The following ABHD17A variants were observed in gnomAD, a reference collection of about 807,000 sequenced individuals.
ABHD17A encodes the protein alpha/beta hydrolase domain-containing protein 17A.
A neutral mutation model predicts 26.8 loss-of-function variants in ABHD17A; 10 were observed. That is an observed-to-expected ratio of 0.37 (90% CI 0.23 to 0.63). ABHD17A has a LOEUF of 0.63. Ranked by LOEUF, ABHD17A falls within the 30% of genes least tolerant of loss-of-function variation. The pLI, the probability that ABHD17A is intolerant of heterozygous loss-of-function variation, is 0.61. For synonymous variants in ABHD17A, 167 were observed against 210.9 expected, an observed-to-expected ratio of 0.79 and a Z score of 1.80; for missense variants, 292 against 457.3, an observed-to-expected ratio of 0.64 and a Z score of 3.30.
At chr19:1,884,451 C>T (rs577367105) in intron 1 of ABHD17A, among the ~76,000 whole-genome samples, 91 of 152,272 alleles carry the variant, frequency 6.0e-4, no homozygotes, top group Non-Finnish European at 1.2e-3. Flanking sequence ...CCACCAATTC[C>T]GTTCCCACGC....
Position 1,881,302 on chromosome 19 carries a change from A to G in ABHD17A, c.265T>C (p.Phe89Leu). The change falls in exon 2 of 5, where the codon TTC becomes CTC. Residue 89 changes from phenylalanine to leucine, a missense_variant. Coordinates refer to ENST00000292577, the MANE Select transcript of ABHD17A (RefSeq NM_001130111.2). ...SQRELDTIEV[F>L]PTKSARGNRV... ...TTGCCGCGGGCGCTCTTGGTGGGGA[A>G]GACCTCGATGGTGTCCAGCTCGCGC... is the stretch of plus-strand genomic sequence containing the variant. The G allele has an allele frequency of 6.2e-7, 1 of 1,610,950 alleles. No individual in the cohort carries two copies. Among genetic ancestry groups the G allele is most frequent in the Non-Finnish European group, 8.5e-7 (1 of 1,179,688 alleles).
Position 1,877,074 on chromosome 19 carries a change from C to G in ABHD17A, c.*126G>C. 5.9e-6 allele frequency: 4 copies of G among 678,070 alleles called. No homozygotes were observed. Among genetic ancestry groups the G allele is most frequent in the Non-Finnish European group, 9.9e-6 (4 of 404,950 alleles). 42.0% of individuals were successfully genotyped at this position (678,070 alleles called of 1,614,324 possible). ...CTGTTGCCTGTACATCGTCCACAGC[C>G]CCTGGGTCGGGGCGGGGTCCCCTGG... On this transcript the variant is annotated 3_prime_UTR_variant, in exon 5 of 5. Transcript: ENST00000292577.
In ABHD17A at chr19:1,879,604, A is replaced by G. The variant is rs2012464651; in HGVS notation, c.527+317T>C. ...CACGTGCACAGACCCCCAGACCACC[A>G]CCCACTCCCTCCCGCCGGGTGGCAT... On this transcript the variant is annotated intron_variant, in intron 3 of 4. Coordinates refer to ENST00000292577, the MANE Select transcript of ABHD17A (RefSeq NM_001130111.2). This position sits in a 1 kb window ranked among gnomAD's most constrained non-coding sequence, Gnocchi z 7.6. The G allele has an allele frequency of 2.3e-6, 1 of 438,190 alleles. No homozygotes were observed. The highest frequency in any genetic ancestry group is 2.0e-5 in the African/African-American group (1 of 49,478). The allele number at this position is 438,190 out of a possible 1,614,324, so 27.1% of individuals were successfully genotyped here. A position where few individuals can be genotyped will look rare whatever the true frequency, so the allele number is the denominator to read the frequency against.
chr19:1,881,304 A>C lies in ABHD17A; in HGVS notation c.263T>G (p.Val88Gly). The change falls in exon 2 of 5, where the codon GTC becomes GGC. Residue 88 changes from valine to glycine, a missense_variant. By Grantham distance (109) the Val-to-Gly change is moderately radical (BLOSUM62 -3). Around this residue, in one of 4 missense-constraint regions of ABHD17A, gnomAD observed 171 missense variants for 216.1 expected, o/e 0.79. Coordinates refer to ENST00000292577, the MANE Select transcript of ABHD17A (RefSeq NM_001130111.2). ...YSQRELDTIEVFPTKSARGNR... is the reference protein window; with the variant it reads ...YSQRELDTIEGFPTKSARGNR... ...GCCGCGGGCGCTCTTGGTGGGGAAG[A>C]CCTCGATGGTGTCCAGCTCGCGCTG... The C allele has an allele frequency of 1.2e-6, 2 of 1,610,868 alleles. No individual in the cohort carries two copies. The highest frequency in any genetic ancestry group is 1.7e-6 in the Non-Finnish European group (2 of 1,179,680).
chr19:1,881,856 T>G, intron 1 of ABHD17A, 52 bp from the exon 2 acceptor site: 2 of 346,844 alleles, frequency 5.8e-6, no homozygotes, highest in Non-Finnish European at 1.0e-5. Context: ...ACAGTCCAGC[T>G]GGGCACCCCC....
In ABHD17A at chr19:1,876,892, G is replaced by A; in HGVS notation, c.*308C>T. ...CGATCTCTCCTAGGGACTCAGGGAC[G>A]AAACCTGGGAACCCCGGCCCCCTTT... On this transcript the variant is annotated 3_prime_UTR_variant, in exon 5 of 5. Coordinates refer to ENST00000292577, the MANE Select transcript of ABHD17A (RefSeq NM_001130111.2). 1 of 423,524 alleles carries A rather than the reference G, an allele frequency of 2.4e-6. No homozygotes were observed. Among genetic ancestry groups the A allele is most frequent in the Non-Finnish European group, 4.3e-6 (1 of 231,856 alleles). The allele number at this position is 423,524 out of a possible 1,614,324, so 26.2% of individuals were successfully genotyped here. A position where few individuals can be genotyped will look rare whatever the true frequency, so the allele number is the denominator to read the frequency against.
Position 1,879,536 on chromosome 19 carries a change from C to T in ABHD17A, c.527+385G>A, listed in dbSNP as rs1375025931. The stretch of plus-strand genomic sequence containing the variant: ...GGACCTGGATGCAGCAGCCTCGCCT[C>T]ACTTGGCCCCAAGTGCTGCCTCGGC... On this transcript the variant is annotated intron_variant, in intron 3 of 4. Transcript: ENST00000292577. The surrounding 1 kb of genome is among the most constrained non-coding windows in gnomAD (Gnocchi z 7.6). The T allele has an allele frequency of 9.7e-6, 3 of 307,904 alleles. No individual in the cohort carries two copies. The highest frequency in any genetic ancestry group is 9.6e-5 in the Admixed American group (2 of 20,920). The allele number at this position is 307,904 out of a possible 1,614,324, so 19.1% of individuals were successfully genotyped here.
Position 1,877,245 on chromosome 19 carries a change from G to C in ABHD17A, c.888C>G (p.Arg296=), listed in dbSNP as rs1208654270. ...DIELYSQYLE[R]LRRFISQELP... is the part of the protein sequence containing the mutation. Reference sequence around the variant, plus strand: ...GCTCCTGGGAGATGAAGCGACGCAGGCGCTCCAGGTACTGGCTGTAGAGCT... The same window carrying C: ...GCTCCTGGGAGATGAAGCGACGCAGCCGCTCCAGGTACTGGCTGTAGAGCT... The change falls in exon 5 of 5, where the codon CGC becomes CGG. Residue 296 remains arginine, a synonymous_variant. Transcript: ENST00000292577. 4 of 1,542,932 alleles carry C rather than the reference G, an allele frequency of 2.6e-6. No individual in the cohort carries two copies. In the Admixed American group the frequency reaches 5.7e-5, roughly 22 times the overall value.
In ABHD17A at chr19:1,877,030, A is replaced by C. The variant is rs1284184840; in HGVS notation, c.*170T>G. The C allele has an allele frequency of 1.7e-6, 1 of 582,830 alleles. No homozygotes were observed. The highest frequency in any genetic ancestry group is 1.9e-5 in the African/African-American group (1 of 52,208). The allele number at this position is 582,830 out of a possible 1,614,324, so 36.1% of individuals were successfully genotyped here. ...CACGTATTTTCTTCTTGCTTCCAAA[A>C]GGAAAGGAGTGCGTAGCTCTGTTGC... On this transcript the variant is annotated 3_prime_UTR_variant, in exon 5 of 5. Transcript: ENST00000292577.
In ABHD17A at chr19:1,880,217, C is replaced by A; in HGVS notation, c.333-102G>T. On this transcript the variant is annotated intron_variant, in intron 2 of 4. Transcript: ENST00000292577. The surrounding 1 kb of genome is among the most constrained non-coding windows in gnomAD (Gnocchi z 4.1). ...AGCCCACCCCGGTGGCCAGCCATGC[C>A]CAGTGCCTCATTTACTCCCCTCCCA... 1.6e-6 allele frequency: 2 copies of A among 1,278,670 alleles called. No homozygotes were observed. Among genetic ancestry groups the A allele is most frequent in the Non-Finnish European group, 1.1e-6 (1 of 912,448 alleles). 79.2% of individuals were successfully genotyped at this position (1,278,670 alleles called of 1,614,324 possible). A position where few individuals can be genotyped will look rare whatever the true frequency, so the allele number is the denominator to read the frequency against.
In ABHD17A at chr19:1,881,585, C is replaced by CGGGCCTCCACCG. The variant is rs1284507467; in HGVS notation, c.-31_-20dup. The CGGGCCTCCACCG allele has an allele frequency of 6.5e-7, 1 of 1,548,840 alleles. No homozygotes were observed. Among genetic ancestry groups the CGGGCCTCCACCG allele is most frequent in the Non-Finnish European group, 8.6e-7 (1 of 1,156,338 alleles). On this transcript the variant is annotated 5_prime_UTR_variant, in exon 2 of 5. Coordinates refer to ENST00000292577, the MANE Select transcript of ABHD17A (RefSeq NM_001130111.2). The stretch of plus-strand genomic sequence containing the variant: ...CATTCATGGCGGGCGCCGCCCAGGC[C>CGGGCCTCCACCG]GGGCCTCCACCGGGGCCCCCGCCAA...
At position 1,880,223 on chromosome 19, in the gene ABHD17A, C is replaced by A; in HGVS notation, c.333-108G>T. On this transcript the variant is annotated intron_variant, in intron 2 of 4. Transcript: ENST00000292577. This position sits in a 1 kb window ranked among gnomAD's most constrained non-coding sequence, Gnocchi z 4.1. ...CCCCGGTGGCCAGCCATGCCCAGTGCCTCATTTACTCCCCTCCCAAGGGGG... is the reference window on the plus strand; with the variant it reads ...CCCCGGTGGCCAGCCATGCCCAGTGACTCATTTACTCCCCTCCCAAGGGGG... 1 of 1,183,770 alleles carries A rather than the reference C, an allele frequency of 8.4e-7. No individual in the cohort carries two copies. Among genetic ancestry groups the A allele is most frequent in the Non-Finnish European group, 1.2e-6 (1 of 829,576 alleles). 73.3% of individuals were successfully genotyped at this position (1,183,770 alleles called of 1,614,324 possible).
chr19:1,882,813 C>A (rs184557275), intron 1 of ABHD17A: 1 of 152,006 alleles, frequency 6.6e-6, no homozygotes. Flanking sequence ...CAGACTGGAG[C>A]GAGGAGAGAG....
In ABHD17A at chr19:1,877,410, G is replaced by A; in HGVS notation, c.723C>T (p.Ser241=). The A allele has an allele frequency of 6.4e-7, 1 of 1,567,710 alleles. No individual in the cohort carries two copies. Among genetic ancestry groups the A allele is most frequent in the Non-Finnish European group, 8.6e-7 (1 of 1,163,628 alleles). The change falls in exon 5 of 5, where the codon TCC becomes TCT. Residue 241 remains serine, a synonymous_variant. Transcript: ENST00000292577. ...FDAFPNIEKV[S]KITSPVLIIH... is the part of the protein sequence containing the mutation. ...TGATGAGCACGGGAGACGTGATCTT[G>A]GACACCTTCTCGATGCTGCGGGAGG...
chr19:1,881,081 G>A (rs757557954), intron 2 of ABHD17A, 154 bp downstream of exon 2: 18 of 1,583,168 alleles, frequency 1.1e-5, no homozygotes, highest in African/African-American at 1.3e-5. Context: ...GGACGAGGCC[G>A]GCCTGACGGG....
Position 1,881,252 on chromosome 19 carries a change from G to A in ABHD17A, c.315C>T (p.Arg105=), listed in dbSNP as rs758681706. The change falls in exon 2 of 5, where the codon CGC becomes CGT. Residue 105 remains arginine, a synonymous_variant. Coordinates refer to ENST00000292577, the MANE Select transcript of ABHD17A (RefSeq NM_001130111.2). The part of the protein sequence containing the change: ...RGNRVSCMYV[R]CVPGARYTVL... ...CTGCTCACCTGGCACCAGGCACGCA[G>A]CGAACATACATGCAGGAGACGCGGT... 7 of 1,611,140 alleles carry A rather than the reference G, an allele frequency of 4.3e-6. No individual in the cohort carries two copies. Among genetic ancestry groups the A allele is most frequent in the Non-Finnish European group, 4.2e-6 (5 of 1,179,734 alleles).
chr19:1,883,642 C>G (rs1015254165), intron 1 of ABHD17A: 5 of 152,458 alleles, frequency 3.3e-5, no homozygotes, highest in African/African-American at 9.7e-5. Context: ...GGATCTGAGC[C>G]GGTCCATCAC....
chr19:1,877,271 C>G lies in ABHD17A; in HGVS notation c.862G>C (p.Glu288Gln). 2 of 1,542,642 alleles carry G rather than the reference C, an allele frequency of 1.3e-6. No homozygotes were observed. The highest frequency in any genetic ancestry group is 1.7e-6 in the Non-Finnish European group (2 of 1,149,332). ...WVEGAGHNDI[E>Q]LYSQYLERLR... ...CGCTCCAGGTACTGGCTGTAGAGCT[C>G]GATGTCGTTGTGCCCGGCGCCCTCC... The change falls in exon 5 of 5, where the codon GAG becomes CAG. Residue 288 changes from glutamate to glutamine, a missense_variant. Around this residue, in one of 4 missense-constraint regions of ABHD17A, gnomAD observed 88 missense variants for 134.3 expected, o/e 0.66. Transcript: ENST00000292577.
At position 1,881,354 on chromosome 19, in the gene ABHD17A, C is replaced by T. The variant is rs373332768; in HGVS notation, c.213G>A (p.Thr71=). The change falls in exon 2 of 5, where the codon ACG becomes ACA. Residue 71 remains threonine (T), a synonymous_variant. Coordinates refer to ENST00000292577, the MANE Select transcript of ABHD17A (RefSeq NM_001130111.2). ...GGCTGTACTGGAAGTCGGCACGCTC[C>T]GTCAGGTGCAGCTTCCAGCGCCCGG... The part of the protein sequence containing the change: ...GAPGRWKLHL[T]ERADFQYSQR... 12 of 1,609,262 alleles carry T rather than the reference C, an allele frequency of 7.5e-6. No homozygotes were observed. Among genetic ancestry groups the T allele is most frequent in the African/African-American group, 2.7e-5 (2 of 74,864 alleles).
Sources: gnomAD v4.1 joint callset for allele counts (sites outside exome capture counted in the v4.1 genomes callset) on GRCh38, gnomAD v4.1.1 for gene constraint, gnomAD v4.1.1 regional missense constraint, Gnocchi (gnomAD v3.1) non-coding constraint, MANE v1.5 for transcripts, NCBI Gene and HGNC (gene_info 2026-07-23, HGNC 2026-07-21) for gene names.